NCKIPSD: variants seen among roughly 807,000 people sequenced by gnomAD.
NCKIPSD encodes NCK interacting protein with SH3 domain.
Under a neutral mutation model 73.4 loss-of-function variants are expected in NCKIPSD, and 48 were observed. That is an observed-to-expected ratio of 0.65 (90% CI 0.52 to 0.83). The LOEUF (loss-of-function observed/expected upper bound fraction) is 0.83. Ranked by LOEUF, NCKIPSD falls within the 40% of genes least tolerant of loss-of-function variation. The pLI is 0.00. For missense variants in NCKIPSD, 884 were observed against 970.2 expected (o/e 0.91, Z 1.18); for synonymous variants, 422 against 403.6 (o/e 1.05, Z -0.54).
At position 48,685,790 on chromosome 3, in the gene NCKIPSD, G is replaced by A. The variant is rs1030954320; in HGVS notation, c.18C>T (p.Tyr6=). 190 of 1,520,006 alleles carry A rather than the reference G, an allele frequency of 1.3e-4. No homozygotes were observed. Among genetic ancestry groups the A allele is most frequent in the Non-Finnish European group, 1.6e-4 (188 of 1,143,520 alleles). 94.2% of individuals were successfully genotyped at this position (1,520,006 alleles called of 1,614,324 possible). The change falls in exon 1 of 13, where the codon TAC becomes TAT. Residue 6 remains tyrosine (Y), a synonymous_variant. Transcript: ENST00000294129. MYRAL[Y]AFRSAEPNAL... ...CGTTGGGCTCCGCCGAGCGGAACGCGTACAGCGCGCGGTACATGAGGCCGG... is the reference window on the plus strand; with the variant it reads ...CGTTGGGCTCCGCCGAGCGGAACGCATACAGCGCGCGGTACATGAGGCCGG...
In NCKIPSD at chr3:48,675,495, C is replaced by CTATATATATATATCATA. The variant is rs2077236484; in HGVS notation, c.1966-765_1966-749dup. Among the ~76,000 whole-genome samples, 6 of 128,004 alleles carry CTATATATATATATCATA rather than the reference C, an allele frequency of 4.7e-5. No individual in the cohort carries two copies. In the Admixed American group the frequency reaches 4.9e-4, roughly 10 times the overall value. 84.0% of individuals were successfully genotyped at this position (128,004 alleles called of 152,430 possible). On this transcript the variant is annotated intron_variant, in intron 12 of 12. Coordinates refer to ENST00000294129, the MANE Select transcript of NCKIPSD (RefSeq NM_016453.4). ...AACCAGTTCCAACAGCCCTTATGAT[C>CTATATATATATATCATA]TATATATATATATCATATATATATA...
Position 48,679,040 on chromosome 3 carries a change from C to T in NCKIPSD, c.1699+15G>A, listed in dbSNP as rs375223041. The T allele has an allele frequency of 6.2e-7, 1 of 1,614,042 alleles. No individual in the cohort carries two copies. Among genetic ancestry groups the T allele is most frequent in the Non-Finnish European group, 8.5e-7 (1 of 1,180,038 alleles). On this transcript the variant is annotated intron_variant, in intron 10 of 12. Transcript: ENST00000294129. ...ACCATGTGCTCAGCCACCGCCCAGC[C>T]AGGCCCCACCCCACCTGGCAGGTGC... is the stretch of plus-strand genomic sequence containing the variant.
At position 48,681,720 on chromosome 3, in the gene NCKIPSD, C is replaced by T; in HGVS notation, c.659G>A (p.Ser220Asn). ...NSVSSGSSVS[S>N]TSLDTLYTSS... ...GGTATAGAGCGTGTCCAGGGAGGTG[C>T]TGCTGACTGAGGAGCCGCTGGACAC... The change falls in exon 5 of 13, where the codon AGC becomes AAC. Residue 220 changes from serine (S) to asparagine (N), a missense_variant. Coordinates refer to ENST00000294129, the MANE Select transcript of NCKIPSD (RefSeq NM_016453.4). The T allele has an allele frequency of 6.5e-7, 1 of 1,548,908 alleles. No individual in the cohort carries two copies.
At chr3:48,674,803 G>A (rs1409818269) in intron 12 of NCKIPSD, 56 bp from the exon 13 acceptor site, 2 of 1,564,828 alleles carry the variant, frequency 1.3e-6, no homozygotes, top group Admixed American at 1.8e-5. Flanking sequence ...AACCACCACT[G>A]GACAGGGACA....
Position 48,682,570 on chromosome 3 carries a change from A to C in NCKIPSD, c.282-18T>G. 1.2e-6 allele frequency: 2 copies of C among 1,613,342 alleles called. No individual in the cohort carries two copies. Among genetic ancestry groups the C allele is most frequent in the Middle Eastern group, 1.7e-4 (1 of 6,058 alleles). ...TCAGCTTCCTGATGGAAGGACAGGA[A>C]GACTATTGGGGGGTTGCATCTCACA... On this transcript the variant is annotated intron_variant, in intron 2 of 12. Transcript: ENST00000294129.
In NCKIPSD at chr3:48,684,019, C is replaced by CACACACACAG. The variant is rs563262573; in HGVS notation, c.172-1008_172-1007insCTGTGTGTGT. On this transcript the variant is annotated intron_variant, in intron 1 of 12. Coordinates refer to ENST00000294129, the MANE Select transcript of NCKIPSD (RefSeq NM_016453.4). ...ACACACACACACACACACACACACA[C>CACACACACAG]AGAGAGAGAGAGAAAGAAAGGAATG... Among the ~76,000 whole-genome samples, 237 of 141,328 alleles carry CACACACACAG rather than the reference C, an allele frequency of 1.7e-3. 3 individuals are homozygous for CACACACACAG. Among genetic ancestry groups the CACACACACAG allele is most frequent in the African/African-American group, 5.8e-3 (208 of 35,836 alleles). The allele number at this position is 141,328 out of a possible 152,430, so 92.7% of individuals were successfully genotyped here.
At chr3:48,677,209 C>A (rs554979348) in intron 12 of NCKIPSD, among the ~76,000 whole-genome samples, 1 of 151,240 alleles carries the variant, frequency 6.6e-6, no homozygotes, top group African/African-American at 2.4e-5. Flanking sequence ...GCCAACATGG[C>A]GAAACCCTGT....
At chr3:48,681,923 C>A in intron 4 of NCKIPSD, 122 bp downstream of exon 4, 1 of 1,466,348 alleles carries the variant, frequency 6.8e-7, no homozygotes. Context: ...CCCCTAATTG[C>A]CCCAAAATGG....
intron 12 of NCKIPSD, among the ~76,000 whole-genome samples, chr3:48,675,996 C>CA (rs968986830): frequency 2.0e-5 from 3 of 152,184 alleles, no homozygotes; most frequent in African/African-American, 7.2e-5. Flanking sequence ...TGCTAAGTCC[C>CA]AGCCCTGGGA....
At chr3:48,675,569 TCTCGTG>T (rs2106743126) in intron 12 of NCKIPSD, among the ~76,000 whole-genome samples, 1 of 144,326 alleles carries the variant, frequency 6.9e-6, no homozygotes, top group East Asian at 2.0e-4. Context: ...TGAGACAGGG[TCTCGTG>T]CTGTCACCCA....
In NCKIPSD at chr3:48,685,660, G is replaced by C. The variant is rs1352474707; in HGVS notation, c.148C>G (p.Pro50Ala). 1.3e-6 allele frequency: 2 copies of C among 1,525,402 alleles called. No individual in the cohort carries two copies. The highest frequency in any genetic ancestry group is 2.4e-5 in the South Asian group (2 of 83,572). The allele number at this position is 1,525,402 out of a possible 1,614,324, so 94.5% of individuals were successfully genotyped here. A position where few individuals can be genotyped will look rare whatever the true frequency, so the allele number is the denominator to read the frequency against. ...ACCTGCAGGCGGCGCAGGTAGGCTG[G>C]CGGCACGTAGCCCGTCTCACCACTG... ...ARSGETGYVP[P>A]AYLRRLQGLE... The change falls in exon 1 of 13, where the codon CCA becomes GCA. Residue 50 changes from proline (P) to alanine (A), a missense_variant. Transcript: ENST00000294129.
In NCKIPSD at chr3:48,679,101, C is replaced by T. The variant is rs776349036; in HGVS notation, c.1653G>A (p.Pro551=). The change falls in exon 10 of 13, where the codon CCG becomes CCA. Residue 551 remains proline, a synonymous_variant. Transcript: ENST00000294129. ...CCAGAAGCAGGTTCACGCAGAGGTCCGGCAGCTGCTCTGTGGTGTCCAAGG... is the reference window on the plus strand; with the variant it reads ...CCAGAAGCAGGTTCACGCAGAGGTCTGGCAGCTGCTCTGTGGTGTCCAAGG... ...GLPLDTTEQL[P]DLCVNLLLAL... is the part of the protein sequence containing the mutation. 2.2e-5 allele frequency: 35 copies of T among 1,613,926 alleles called. No individual in the cohort carries two copies. In the South Asian group the frequency reaches 2.5e-4, roughly 12 times the overall value.
intron 2 of NCKIPSD, 111 bp downstream of exon 2, chr3:48,682,792 C>T (rs1195019399): frequency 6.9e-7 from 1 of 1,443,982 alleles, no homozygotes; most frequent in Non-Finnish European, 9.3e-7. Flanking sequence ...TCCCCCACCA[C>T]CCTTGCCAAC....
intron 12 of NCKIPSD, among the ~76,000 whole-genome samples, chr3:48,675,548 A>T (rs867727319): frequency 5.5e-4 from 52 of 94,010 alleles, no homozygotes; most frequent in African/African-American, 9.7e-4. Context: ...TATATATATC[A>T]TTTTTTTTTT....
intron 10 of NCKIPSD, 42 bp downstream of exon 10, chr3:48,679,013 C>A: frequency 6.2e-7 from 1 of 1,614,084 alleles, no homozygotes; most frequent in Non-Finnish European, 8.5e-7. Flanking sequence ...AGCCTGAGAG[C>A]CACCATGTGC....
At chr3:48,680,357 C>T (rs560901458) in intron 5 of NCKIPSD, 128 bp from the exon 6 acceptor site, 24 of 1,066,304 alleles carry the variant, frequency 2.3e-5, no homozygotes, top group Admixed American at 1.2e-4. Flanking sequence ...CTGGCCCACA[C>T]TGGACAGGAG....
rs758970502 is a variant in NCKIPSD at position 48,685,835 on chromosome 3, G to A, written c.-28C>T. ...GGCCGGGCAGGGCAGGTGCAGGGAA[G>A]GTGGCAAGGGCTGCGGCGCCACAAC... On this transcript the variant is annotated 5_prime_UTR_variant, in exon 1 of 13. Coordinates refer to ENST00000294129, the MANE Select transcript of NCKIPSD (RefSeq NM_016453.4). 55 of 1,402,084 alleles carry A rather than the reference G, an allele frequency of 3.9e-5. No individual in the cohort carries two copies. Among genetic ancestry groups the A allele is most frequent in the Non-Finnish European group, 4.8e-5 (52 of 1,084,428 alleles). The allele number at this position is 1,402,084 out of a possible 1,614,324, so 86.9% of individuals were successfully genotyped here. A position where few individuals can be genotyped will look rare whatever the true frequency, so the allele number is the denominator to read the frequency against.
intron 9 of NCKIPSD, 51 bp from the exon 10 acceptor site, chr3:48,679,234 G>T (rs768759223): frequency 3.5e-6 from 5 of 1,434,728 alleles, no homozygotes; most frequent in Non-Finnish European, 4.7e-6. Context: ...TCCGACCCCC[G>T]CACCACCCAC....
chr3:48,685,813 C>G lies in NCKIPSD; in HGVS notation c.-6G>C, dbSNP rs891083688. The G allele has an allele frequency of 1.4e-6, 2 of 1,475,276 alleles. No homozygotes were observed. Among genetic ancestry groups the G allele is most frequent in the Middle Eastern group, 1.9e-4 (1 of 5,312 alleles). 91.4% of individuals were successfully genotyped at this position (1,475,276 alleles called of 1,614,324 possible). ...GCGTACAGCGCGCGGTACATGAGGC[C>G]GGGCAGGGCAGGTGCAGGGAAGGTG... On this transcript the variant is annotated 5_prime_UTR_variant, in exon 1 of 13. Coordinates refer to ENST00000294129, the MANE Select transcript of NCKIPSD (RefSeq NM_016453.4).
Sources: allele counts gnomAD v4.1 joint callset (sites outside exome capture counted in the v4.1 genomes callset), GRCh38; gene constraint gnomAD v4.1.1; transcripts MANE v1.5; gene names NCBI Gene and HGNC (gene_info 2026-07-23, HGNC 2026-07-21).